Variants in GREM2 observed in about 807,000 individuals in gnomAD.
The protein encoded by GREM2 is gremlin 2, DAN family BMP antagonist.
In GREM2, 11 loss-of-function variants were observed where a neutral mutation model predicts 14.2. The ratio of observed to expected loss-of-function variants is 0.78; its 90% CI spans 0.49 to 1.28. The LOEUF is 1.28. Among genes scored for constraint, GREM2 ranks in the 50% most tolerant of loss-of-function variants. The pLI is 0.00. For synonymous variants in GREM2, 98 were observed against 97.6 expected (o/e 1.00, Z -0.02); for missense variants, 210 against 218.5 (o/e 0.96, Z 0.24).
intron 1 of GREM2, among the ~76,000 whole-genome samples, chr1:240,565,493 T>G (rs1679158831): frequency 6.6e-6 from 1 of 152,136 alleles, no homozygotes; most frequent in Non-Finnish European, 1.5e-5. Flanking sequence ...AAGCAATGTT[T>G]TAGGGAATTC....
intron 1 of GREM2, among the ~76,000 whole-genome samples, chr1:240,560,722 G>A (rs1679021575): frequency 6.6e-6 from 1 of 152,218 alleles, no homozygotes; most frequent in East Asian, 1.9e-4. Context: ...ACACCATAAT[G>A]GCTTACAGAA....
intron 1 of GREM2, among the ~76,000 whole-genome samples, chr1:240,501,421 G>T (rs867152774): frequency 2.6e-5 from 4 of 152,236 alleles, no homozygotes; most frequent in Middle Eastern, 3.4e-3. Context: ...TTCTTAAAAA[G>T]GTTTTCAACA....
At chr1:240,547,662 C>A (rs1255332673) in intron 1 of GREM2, among the ~76,000 whole-genome samples, 1 of 151,388 alleles carries the variant, frequency 6.6e-6, no homozygotes, top group East Asian at 1.9e-4. Flanking sequence ...GACAAAGAAA[C>A]CTGGATTTGA....
intron 1 of GREM2, among the ~76,000 whole-genome samples, chr1:240,524,529 G>A (rs1050796518): frequency 2.6e-5 from 4 of 152,204 alleles, no homozygotes; most frequent in African/African-American, 9.7e-5. Context: ...ATGGTGTTGG[G>A]ACAACTGACA....
At chr1:240,534,011 C>A (rs1330515485) in intron 1 of GREM2, among the ~76,000 whole-genome samples, 1 of 152,130 alleles carries the variant, frequency 6.6e-6, no homozygotes, top group Non-Finnish European at 1.5e-5. Context: ...GGCAGAGTTG[C>A]AAACAGATAA....
intron 1 of GREM2, among the ~76,000 whole-genome samples, chr1:240,560,203 C>T (rs1039089919): frequency 6.6e-6 from 1 of 152,088 alleles, no homozygotes; most frequent in Non-Finnish European, 1.5e-5. Flanking sequence ...GTATGGAGAA[C>T]GTTCTTAAGT....
chr1:240,534,503 C>G (rs1678432003), intron 1 of GREM2, among the ~76,000 whole-genome samples: 1 of 151,908 alleles, frequency 6.6e-6, no homozygotes, highest in Admixed American at 6.6e-5. Context: ...TCCTGGCTAA[C>G]ACGGTGAAAC....
intron 1 of GREM2, 47 bp from the exon 2 acceptor site, chr1:240,493,523 A>G: frequency 1.3e-6 from 2 of 1,495,524 alleles, no homozygotes; most frequent in South Asian, 1.4e-5. Context: ...GCCGTAGAGT[A>G]CGGGATCAAT....
chr1:240,521,343 C>T (rs554983297), intron 1 of GREM2, among the ~76,000 whole-genome samples: 18 of 152,168 alleles, frequency 1.2e-4, no homozygotes, highest in South Asian at 4.1e-4. Context: ...CCGAAGTGGG[C>T]GGATCACGAG....
intron 1 of GREM2, among the ~76,000 whole-genome samples, chr1:240,498,844 G>A (rs1677496358): frequency 1.3e-5 from 2 of 152,138 alleles, no homozygotes. Flanking sequence ...AAATCCTGTT[G>A]GTTTTATTAA....
At chr1:240,531,667 C>T in intron 1 of GREM2, 1 of 985,152 alleles carries the variant, frequency 1.0e-6, no homozygotes, top group Non-Finnish European at 1.2e-6. Context: ...CTGACGTGGA[C>T]TCAGCTCTGA....
chr1:240,539,733 C>G (rs2103324332), intron 1 of GREM2, among the ~76,000 whole-genome samples: 1 of 152,254 alleles, frequency 6.6e-6, no homozygotes, highest in South Asian at 2.1e-4. Context: ...CTCTGGGTAA[C>G]ACGGATGAAG....
chr1:240,592,176 T>G (rs1033633598), intron 1 of GREM2, among the ~76,000 whole-genome samples: 1 of 152,218 alleles, frequency 6.6e-6, no homozygotes, highest in African/African-American at 2.4e-5. Context: ...AAAATTTAAT[T>G]TCATCTAGAA....
In GREM2 at chr1:240,514,599, T is replaced by C. The variant is rs554838813; in HGVS notation, c.-1-21123A>G. Among the ~76,000 whole-genome samples, 215 of 152,218 alleles carry C rather than the reference T, an allele frequency of 1.4e-3. No individual in the cohort carries two copies. The Middle Eastern group carries it at 0.02, about 14-fold the overall frequency. On this transcript the variant is annotated intron_variant, in intron 1 of 1. Coordinates refer to ENST00000318160, the MANE Select transcript of GREM2 (RefSeq NM_022469.4). ...GTGGTCCTCCAGCCTTAAAAAGTAC[T>C]ATCAACTTTAACAAGAAGGCCAGGA...
At chr1:240,524,471 T>C (rs899603059) in intron 1 of GREM2, among the ~76,000 whole-genome samples, 3 of 152,204 alleles carry the variant, frequency 2.0e-5, no homozygotes, top group Non-Finnish European at 4.4e-5. Context: ...TAAGAAGTGA[T>C]TTATGGTGGC....
intron 1 of GREM2, among the ~76,000 whole-genome samples, chr1:240,558,034 T>C (rs111856690): frequency 2.2e-4 from 33 of 152,274 alleles, no homozygotes; most frequent in African/African-American, 7.2e-4. Context: ...TATATAATAA[T>C]GTATGCAGTT....
intron 1 of GREM2, among the ~76,000 whole-genome samples, chr1:240,512,504 C>CAGTTTCTTAAAG: frequency 7.3e-6 from 1 of 136,498 alleles, no homozygotes; most frequent in Non-Finnish European, 1.6e-5. Context: ...TCATCTTGAT[C>CAGTTTCTTAAAG]TCACACATGA....
intron 1 of GREM2, among the ~76,000 whole-genome samples, chr1:240,562,884 GTA>G (rs1484210008): frequency 2.0e-5 from 3 of 150,850 alleles, no homozygotes; most frequent in African/African-American, 4.9e-5. Context: ...GTGTATGTGT[GTA>G]TGAGTGTGTA....
At chr1:240,602,998 G>A (rs58678582) in intron 1 of GREM2, among the ~76,000 whole-genome samples, 1,554 of 151,886 alleles carry the variant, frequency 0.01, 31 homozygotes, top group African/African-American at 0.036. Context: ...GCGTGAACCC[G>A]GGAGGTGGAG....
Sources: gnomAD v4.1 joint callset for allele counts (sites outside exome capture counted in the v4.1 genomes callset) on GRCh38, gnomAD v4.1.1 for gene constraint, MANE v1.5 for transcripts, NCBI Gene and HGNC (gene_info 2026-07-23, HGNC 2026-07-21) for gene names.